DYNC2LI1: variants seen among roughly 807,000 people sequenced by gnomAD.
DYNC2LI1 encodes dynein cytoplasmic 2 light intermediate chain 1, also known as cytoplasmic dynein 2 light intermediate chain 1.
A neutral mutation model predicts 51.9 loss-of-function variants in DYNC2LI1; 45 were observed. The observed-to-expected ratio is 0.87, with a 90% CI of 0.68 to 1.11. The LOEUF (loss-of-function observed/expected upper bound fraction) is 1.11. DYNC2LI1 is among the 50% of genes most tolerant of loss of function. The pLI is 0.00. For missense variants in DYNC2LI1, 490 were observed against 417.4 expected, an observed-to-expected ratio of 1.17 and a Z score of -1.51; for synonymous variants, 130 against 137.8, an observed-to-expected ratio of 0.94 and a Z score of 0.40.
intron 2 of DYNC2LI1, among the ~76,000 whole-genome samples, chr2:43,780,189 G>T (rs1042770974): frequency 3.3e-5 from 5 of 152,202 alleles, no homozygotes; most frequent in African/African-American, 1.2e-4. Flanking sequence ...AGAATGTGTT[G>T]TTTGTACATG....
In DYNC2LI1 at chr2:43,774,105, G is replaced by T. The variant is rs371628426; in HGVS notation, c.-34G>T. 23 of 1,613,552 alleles carry T rather than the reference G, an allele frequency of 1.4e-5. No homozygotes were observed. Among genetic ancestry groups the T allele is most frequent in the South Asian group, 6.6e-5 (6 of 90,922 alleles). ...GATTCTAGGCTGGTCACTACTCCGA[G>T]CCTGTGACGTTTGCGGCAGCCAGGC... is the stretch of plus-strand genomic sequence containing the variant. On this transcript the variant is annotated 5_prime_UTR_variant, in exon 1 of 13. Coordinates refer to ENST00000260605, the MANE Select transcript of DYNC2LI1 (RefSeq NM_016008.4).
chr2:43,809,018 T>C (rs1162974649), intron 12 of DYNC2LI1, among the ~76,000 whole-genome samples: 1 of 151,768 alleles, frequency 6.6e-6, no homozygotes, highest in East Asian at 1.9e-4. Flanking sequence ...TGACAGGATC[T>C]CACTCTGTCA....
chr2:43,813,131 A>C, downstream of DYNC2LI1: 1 of 1,289,500 alleles, frequency 7.8e-7, no homozygotes, highest in Non-Finnish European at 1.1e-6. Flanking sequence ...TGCTAATGAG[A>C]TGATCCCTTA....
chr2:43,824,100 C>T, the DYNC2LI1 span: 1 of 1,614,174 alleles, frequency 6.2e-7, no homozygotes, highest in Non-Finnish European at 8.5e-7. Context: ...TATTTCTCAC[C>T]AAGTTTCTTG....
At chr2:43,782,152 A>G (rs1030652044) in intron 2 of DYNC2LI1, among the ~76,000 whole-genome samples, 4 of 152,150 alleles carry the variant, frequency 2.6e-5, no homozygotes, top group Admixed American at 2.0e-4. Context: ...TAATAGCTGT[A>G]TATTATTCTA....
At chr2:43,779,304 A>G (rs566613415) in intron 2 of DYNC2LI1, among the ~76,000 whole-genome samples, 1 of 152,302 alleles carries the variant, frequency 6.6e-6, no homozygotes, top group South Asian at 2.1e-4. Flanking sequence ...TGCTTCATGG[A>G]GAACATTATT....
chr2:43,801,304 C>G (rs1198043798), intron 9 of DYNC2LI1: 1 of 167,552 alleles, frequency 6.0e-6, no homozygotes, highest in African/African-American at 2.4e-5. Flanking sequence ...ACTTCCTTTC[C>G]CACACTTCAG....
chr2:43,786,839 C>CA (rs1367622744), intron 3 of DYNC2LI1, among the ~76,000 whole-genome samples: 1 of 151,770 alleles, frequency 6.6e-6, no homozygotes, highest in African/African-American at 2.4e-5. Flanking sequence ...AAAACAAAAA[C>CA]AAAACAAAAA....
chr2:43,800,995 C>G (rs1330915282), intron 9 of DYNC2LI1, 78 bp downstream of exon 9: 8 of 906,456 alleles, frequency 8.8e-6, no homozygotes, highest in South Asian at 2.3e-5. Flanking sequence ...TATTGTTCTA[C>G]TCAGTCTCTT....
intron 6 of DYNC2LI1, 124 bp from the exon 7 acceptor site, chr2:43,795,766 C>A: frequency 2.8e-6 from 2 of 717,192 alleles, no homozygotes; most frequent in South Asian, 1.7e-5. Flanking sequence ...AATTCTATGT[C>A]AAGCAAATTA....
chr2:43,814,812 A>C (rs1002557635), downstream of DYNC2LI1, among the ~76,000 whole-genome samples: 1 of 152,240 alleles, frequency 6.6e-6, no homozygotes, highest in Non-Finnish European at 1.5e-5. Context: ...TAATATATAT[A>C]ACATGTGTGT....
At chr2:43,810,582 AC>A, downstream of DYNC2LI1, 1 of 925,404 alleles carries the variant, frequency 1.1e-6, no homozygotes, top group African/African-American at 1.8e-5. Context: ...ATGTCCACAT[AC>A]AAAATATATT....
chr2:43,826,444 G>A, the DYNC2LI1 span: 1 of 1,614,172 alleles, frequency 6.2e-7, no homozygotes, highest in Non-Finnish European at 8.5e-7. Flanking sequence ...CTGCGAGCCA[G>A]TTCCACCAGG....
chr2:43,819,188 A>G, the DYNC2LI1 span, among the ~76,000 whole-genome samples: 2 of 152,104 alleles, frequency 1.3e-5, no homozygotes, highest in African/African-American at 4.8e-5. Context: ...GGACCCAGAG[A>G]TTACTTACTA....
chr2:43,827,447 A>G, the DYNC2LI1 span, among the ~76,000 whole-genome samples: 12 of 152,312 alleles, frequency 7.9e-5, no homozygotes, highest in African/African-American at 2.4e-4. Flanking sequence ...GAAAGGATCC[A>G]GATGCAGTTT....
At chr2:43,820,579 G>C in the DYNC2LI1 span, among the ~76,000 whole-genome samples, 3 of 152,076 alleles carry the variant, frequency 2.0e-5, no homozygotes, top group African/African-American at 7.2e-5. Context: ...TTTTGTCCTC[G>C]ATCAGGTTAG....
intron 7 of DYNC2LI1, among the ~76,000 whole-genome samples, 162 bp from the exon 8 acceptor site, chr2:43,796,556 A>G (rs1244880877): frequency 6.6e-6 from 1 of 152,210 alleles, no homozygotes; most frequent in East Asian, 1.9e-4. Context: ...GGCTGCAGCT[A>G]TTGTTCAACT....
chr2:43,798,479 T>C (rs1665967441), intron 8 of DYNC2LI1, among the ~76,000 whole-genome samples: 1 of 152,224 alleles, frequency 6.6e-6, no homozygotes, highest in Non-Finnish European at 1.5e-5. Context: ...CAGTTACTTA[T>C]TTTTGCCACT....
intron 8 of DYNC2LI1, 96 bp from the exon 9 acceptor site, chr2:43,800,745 C>A: frequency 1.7e-6 from 1 of 603,422 alleles, no homozygotes; most frequent in East Asian, 3.0e-5. Flanking sequence ...CAGTGATTCT[C>A]TTTGTAATCT....
Sources: allele counts gnomAD v4.1 joint callset (sites outside exome capture counted in the v4.1 genomes callset), GRCh38; gene constraint gnomAD v4.1.1; transcripts MANE v1.5; gene names NCBI Gene and HGNC (gene_info 2026-07-23, HGNC 2026-07-21).